AMOTL1: variants seen among roughly 807,000 people sequenced by gnomAD.
AMOTL1 encodes the protein angiomotin like 1.
AMOTL1 carries 45 observed loss-of-function variants against 102.9 expected under a neutral mutation model. The ratio of observed to expected loss-of-function variants is 0.44; its 90% CI spans 0.34 to 0.56. AMOTL1 has a LOEUF of 0.56. Among genes scored for constraint, AMOTL1 ranks in the 20% least tolerant of loss-of-function variants. AMOTL1 has a pLI of 0.01. For synonymous variants in AMOTL1, 481 were observed against 484.7 expected (o/e 0.99, Z 0.10); for missense variants, 1,114 against 1,225.6 (o/e 0.91, Z 1.36).
At position 94,811,058 on chromosome 11, in the gene AMOTL1, C is replaced by CA. The variant is rs748880157; in HGVS notation, c.1122-10466dup. ...AACCAATCCCAGGCTATCGTGGTGACAAAAAATTGGGGGCAGAACCTTAGC... is the reference window on the plus strand; with the variant it reads ...AACCAATCCCAGGCTATCGTGGTGACAAAAAAATTGGGGGCAGAACCTTAGC... On this transcript the variant is annotated intron_variant, in intron 3 of 12. Transcript: ENST00000433060. Among the ~76,000 whole-genome samples the CA allele has an allele frequency of 3.9e-4, 60 of 152,204 alleles. 1 individual carries two copies. The highest frequency in any genetic ancestry group is 6.8e-3 in the Middle Eastern group (2 of 294).
At chr11:94,716,132 T>C (rs996199285) in intron 1 of AMOTL1, among the ~76,000 whole-genome samples, 2 of 152,154 alleles carry the variant, frequency 1.3e-5, no homozygotes, top group African/African-American at 4.8e-5. Context: ...ATCACTCTAC[T>C]ACTAAGCTCA....
chr11:94,860,927 C>T (rs993063313), intron 9 of AMOTL1, among the ~76,000 whole-genome samples: 3 of 152,140 alleles, frequency 2.0e-5, no homozygotes. Flanking sequence ...GGCTCATTAT[C>T]GACGTAGGGG....
Position 94,869,491 on chromosome 11 carries a change from C to T in AMOTL1, c.2764+18C>T, listed in dbSNP as rs764492288. On this transcript the variant is annotated intron_variant, in intron 12 of 12. Transcript: ENST00000433060. ...GAAACTGGGTATGTGGGCTACCCCA[C>T]CTTGATGCCCCTGAAAACTGTGGAA... 3.2e-6 allele frequency: 5 copies of T among 1,571,632 alleles called. No homozygotes were observed. The highest frequency in any genetic ancestry group is 2.7e-5 in the African/African-American group (2 of 73,988).
intron 1 of AMOTL1, among the ~76,000 whole-genome samples, chr11:94,712,420 T>C (rs1167720291): frequency 6.6e-6 from 1 of 151,902 alleles, no homozygotes; most frequent in Non-Finnish European, 1.5e-5. Context: ...AGAAAATCAG[T>C]CTTGGTAAAG....
At chr11:94,854,209 TC>T (rs1196226210) in intron 8 of AMOTL1, 127 bp downstream of exon 8, 2 of 1,234,300 alleles carry the variant, frequency 1.6e-6, no homozygotes, top group Admixed American at 3.0e-5. Context: ...GAACTCCCTG[TC>T]CTCAGTGAAC....
In AMOTL1 at chr11:94,876,275, C is replaced by G. The variant is rs1953093630; in HGVS notation, c.*5480C>G. 1 of 152,566 alleles carries G rather than the reference C, an allele frequency of 6.6e-6. No homozygotes were observed. 9.5% of individuals were successfully genotyped at this position (152,566 alleles called of 1,614,324 possible). The stretch of plus-strand genomic sequence containing the variant: ...GAGGAGGAACAGGGAGCCTCCTCCT[C>G]CATGAGCACTTACAGAATTGTGTAA... On this transcript the variant is annotated 3_prime_UTR_variant, in exon 13 of 13. Coordinates refer to ENST00000433060, the MANE Select transcript of AMOTL1 (RefSeq NM_130847.3).
chr11:94,791,241 A>C (rs1309657057), intron 1 of AMOTL1, among the ~76,000 whole-genome samples: 1 of 152,234 alleles, frequency 6.6e-6, no homozygotes, highest in Non-Finnish European at 1.5e-5. Flanking sequence ...AACATAAGGC[A>C]GAAATGTTGT....
intron 2 of AMOTL1, chr11:94,797,151 T>C (rs995200747): frequency 3.8e-5 from 14 of 370,820 alleles, no homozygotes; most frequent in Admixed American, 3.2e-4. Context: ...ACATGAAACA[T>C]AGAGCCATCA....
intron 1 of AMOTL1, among the ~76,000 whole-genome samples, chr11:94,769,592 C>T (rs181998077): frequency 9.2e-5 from 14 of 152,280 alleles, no homozygotes; most frequent in East Asian, 5.8e-4. Context: ...CATTTTTGTT[C>T]GAAGATTTTT....
At chr11:94,860,046 A>G (rs944342339) in intron 9 of AMOTL1, among the ~76,000 whole-genome samples, 3 of 152,216 alleles carry the variant, frequency 2.0e-5, no homozygotes, top group African/African-American at 7.2e-5. Flanking sequence ...CTAGATTTCA[A>G]CAAGAGGAGG....
chr11:94,836,960 G>T (rs1466998900), intron 6 of AMOTL1, among the ~76,000 whole-genome samples: 3 of 151,932 alleles, frequency 2.0e-5, no homozygotes, highest in Non-Finnish European at 2.9e-5. Context: ...AACTGGCCAG[G>T]TGCTCACACC....
At chr11:94,772,743 G>A (rs2135518990) in intron 1 of AMOTL1, among the ~76,000 whole-genome samples, 1 of 152,324 alleles carries the variant, frequency 6.6e-6, no homozygotes, top group Middle Eastern at 3.4e-3. Context: ...TGTGATTGCT[G>A]GATTGTATGG....
chr11:94,727,118 ATCT>A (rs1192756009), intron 1 of AMOTL1, among the ~76,000 whole-genome samples: 1 of 152,156 alleles, frequency 6.6e-6, no homozygotes, highest in Non-Finnish European at 1.5e-5. Context: ...AGAGATGGGA[ATCT>A]TCTTTGAAAA....
At chr11:94,711,826 C>T (rs1369188814) in intron 1 of AMOTL1, among the ~76,000 whole-genome samples, 2 of 152,058 alleles carry the variant, frequency 1.3e-5, no homozygotes, top group Admixed American at 1.3e-4. Context: ...TTTGCTTAAG[C>T]ATTCACTCAT....
chr11:94,715,284 A>G lies in AMOTL1; in HGVS notation c.-51+8687A>G, dbSNP rs139748416. ...GTTAATAGCTGTTTTATGACCCAGT[A>G]TATAGTCTATTATGATGAATATTCC... On this transcript the variant is annotated intron_variant, in intron 1 of 4. Coordinates refer to the AMOTL1 transcript ENST00000299004. 3.9e-5 allele frequency among the ~76,000 whole-genome samples: 6 copies of G among 152,260 alleles called. No homozygotes were observed. The East Asian group carries it at 7.7e-4, about 20-fold the overall frequency.
At chr11:94,831,631 G>C in intron 6 of AMOTL1, 90 bp downstream of exon 6, 1 of 1,154,948 alleles carries the variant, frequency 8.7e-7, no homozygotes, top group Admixed American at 2.1e-5. Flanking sequence ...AGTGGGTTTT[G>C]TGCTGTTTGC....
intron 11 of AMOTL1, among the ~76,000 whole-genome samples, chr11:94,868,893 A>AGTT (rs1290854741): frequency 6.6e-6 from 1 of 151,636 alleles, no homozygotes; most frequent in Non-Finnish European, 1.5e-5. Context: ...TGTATCCTAC[A>AGTT]GTTTATATAT....
At position 94,810,880 on chromosome 11, in the gene AMOTL1, A is replaced by G. The variant is rs144109961; in HGVS notation, c.1121+10569A>G. ...CACACACACACACACGCGTACACACACATATCTTGGATATTAGCTTTTAAT... is the reference window on the plus strand; with the variant it reads ...CACACACACACACACGCGTACACACGCATATCTTGGATATTAGCTTTTAAT... On this transcript the variant is annotated intron_variant, in intron 3 of 12. Coordinates refer to ENST00000433060, the MANE Select transcript of AMOTL1 (RefSeq NM_130847.3). Among the ~76,000 whole-genome samples, 30 of 152,052 alleles carry G rather than the reference A, an allele frequency of 2.0e-4. No homozygotes were observed. The East Asian group carries it at 5.8e-3, about 29-fold the overall frequency.
At chr11:94,787,951 C>G (rs923010339) in intron 1 of AMOTL1, among the ~76,000 whole-genome samples, 4 of 152,154 alleles carry the variant, frequency 2.6e-5, no homozygotes, top group Non-Finnish European at 5.9e-5. Flanking sequence ...GCCAGAGATA[C>G]GCTACTTGTC....
Sources: gnomAD v4.1 joint callset for allele counts (sites outside exome capture counted in the v4.1 genomes callset) on GRCh38, gnomAD v4.1.1 for gene constraint, MANE v1.5 for transcripts, NCBI Gene and HGNC (gene_info 2026-07-23, HGNC 2026-07-21) for gene names.